SOX30: variants seen among roughly 807,000 people sequenced by gnomAD.
SOX30 encodes the protein SRY-box transcription factor 30.
In SOX30, 17 loss-of-function variants were observed where a neutral mutation model predicts 58.6. That is an observed-to-expected ratio of 0.29 (90% CI 0.20 to 0.44). SOX30 has a LOEUF of 0.44. Among genes scored for constraint, SOX30 ranks in the 20% least tolerant of loss-of-function variants. The pLI is 1.00. For missense variants in SOX30, 951 were observed against 965.8 expected (o/e 0.98, Z 0.20); for synonymous variants, 421 against 400.2 (o/e 1.05, Z -0.62).
chr5:157,636,831 GA>G (rs1758939274), intron 4 of SOX30, among the ~76,000 whole-genome samples: 1 of 152,038 alleles, frequency 6.6e-6, no homozygotes, highest in Admixed American at 6.6e-5. Flanking sequence ...AACAGTAATT[GA>G]AAAGTAAAGG....
intron 1 of SOX30, chr5:157,667,924 A>G: frequency 1.4e-6 from 2 of 1,458,198 alleles, no homozygotes; most frequent in Non-Finnish European, 1.8e-6. Context: ...ATCTTACCTC[A>G]TTCATTCCCC....
Position 157,652,089 on chromosome 5 carries a change from G to T in SOX30, c.-11C>A, listed in dbSNP as rs1229329733. 7.2e-7 allele frequency: 1 copy of T among 1,398,058 alleles called. No homozygotes were observed. Among genetic ancestry groups the T allele is most frequent in the Admixed American group, 3.3e-5 (1 of 30,540 alleles). The allele number at this position is 1,398,058 out of a possible 1,614,324, so 86.6% of individuals were successfully genotyped here. A position where few individuals can be genotyped will look rare whatever the true frequency, so the allele number is the denominator to read the frequency against. Reference sequence around the variant, plus strand: ...TCTGGCTCTCTCCATGGGGGAGGGGGACGCCCCGGCCAGGATTGTGAGCTC... The same window carrying T: ...TCTGGCTCTCTCCATGGGGGAGGGGTACGCCCCGGCCAGGATTGTGAGCTC... On this transcript the variant is annotated 5_prime_UTR_variant, in exon 1 of 5. Transcript: ENST00000265007.
intron 2 of SOX30, among the ~76,000 whole-genome samples, chr5:157,667,131 G>A (rs1183967661): frequency 6.6e-6 from 1 of 152,178 alleles, no homozygotes; most frequent in African/African-American, 2.4e-5. Flanking sequence ...GGGTTAGGGA[G>A]ATGTGGATGA....
In SOX30 at chr5:157,646,657, T is replaced by C. The variant is rs764836124; in HGVS notation, c.1367A>G (p.Asn456Ser). 2.5e-6 allele frequency: 4 copies of C among 1,609,824 alleles called. No homozygotes were observed. The highest frequency in any genetic ancestry group is 3.4e-5 in the Admixed American group (2 of 58,886). The change falls in exon 3 of 5, where the codon AAT becomes AGT. Residue 456 changes from asparagine (N) to serine (S), a missense_variant. Around this residue, in one of 7 missense-constraint regions of SOX30, gnomAD observed 381 missense variants for 390.0 expected, o/e 0.98. Coordinates refer to ENST00000265007, the MANE Select transcript of SOX30 (RefSeq NM_178424.2). Reference sequence around the variant, plus strand: ...CTCACCAACTGGATGAGTGATGGGATTCTGTAGGCTGGGAATTACCACAGA... The same window carrying C: ...CTCACCAACTGGATGAGTGATGGGACTCTGTAGGCTGGGAATTACCACAGA... Reference protein sequence around the residue: ...TYSVVIPSLQNPITHPVGETS... With the variant: ...TYSVVIPSLQSPITHPVGETS...
chr5:157,626,461 A>G lies in SOX30; in HGVS notation c.2141T>C (p.Leu714Pro). 1 of 1,614,246 alleles carries G rather than the reference A, an allele frequency of 6.2e-7. No individual in the cohort carries two copies. Among genetic ancestry groups the G allele is most frequent in the Non-Finnish European group, 8.5e-7 (1 of 1,180,044 alleles). Reference protein sequence around the residue: ...GEENLNPVPQLDIGTLENVFT... With the variant: ...GEENLNPVPQPDIGTLENVFT... ...GACATTCTCCAAGGTTCCAATGTCC[A>G]GCTGAGGCACAGGGTTTAAGTTTTC... The change falls in exon 5 of 5, where the codon CTG becomes CCG. Residue 714 changes from leucine to proline, a missense_variant. By Grantham distance (98) the Leu-to-Pro change is moderately conservative (BLOSUM62 -3). Transcript: ENST00000265007.
chr5:157,631,068 T>TAC (rs1276157997), intron 4 of SOX30, among the ~76,000 whole-genome samples: 1 of 17,294 alleles, frequency 5.8e-5, no homozygotes, highest in Non-Finnish European at 2.4e-4. Flanking sequence ...TATATATATA[T>TAC]ACACACAATA....
intron 4 of SOX30, among the ~76,000 whole-genome samples, chr5:157,629,143 C>G (rs1349654520): frequency 1.3e-5 from 2 of 152,086 alleles, no homozygotes; most frequent in Non-Finnish European, 2.9e-5. Flanking sequence ...TTCAAAGTAG[C>G]TATAAGAGAG....
upstream of SOX30, among the ~76,000 whole-genome samples, chr5:157,654,806 G>A (rs10072085): frequency 3.3e-3 from 507 of 152,304 alleles, 1 homozygote; most frequent in African/African-American, 0.011. Context: ...CAGCATGACA[G>A]CTTACAGATG....
Position 157,638,419 on chromosome 5 carries a change from G to A in SOX30, c.1691C>T (p.Pro564Leu). The change falls in exon 4 of 5, where the codon CCT becomes CTT. Residue 564 changes from proline (P) to leucine (L), a missense_variant. By Grantham distance (98) the Pro-to-Leu change is moderately conservative. This residue lies in a region of SOX30 where 381 missense variants were observed against 390.0 expected (regional missense o/e 0.98). Coordinates refer to ENST00000265007, the MANE Select transcript of SOX30 (RefSeq NM_178424.2). ...HARFATSTIQ[P>L]PREYSSVSPC... ...GGAAACGCTGGAATACTCCCTAGGA[G>A]GTTGGATGGTCGAAGTTGCAAATCT... is the stretch of plus-strand genomic sequence containing the variant. 3 of 1,614,070 alleles carry A rather than the reference G, an allele frequency of 1.9e-6. No individual in the cohort carries two copies. The highest frequency in any genetic ancestry group is 1.3e-5 in the African/African-American group (1 of 75,030).
upstream of SOX30, among the ~76,000 whole-genome samples, chr5:157,655,349 A>C (rs1267673796): frequency 6.6e-6 from 1 of 152,232 alleles, no homozygotes; most frequent in East Asian, 1.9e-4. Context: ...GGGTACCCAG[A>C]TAAAGAATGG....
chr5:157,667,342 C>T (rs1326157831), intron 2 of SOX30, among the ~76,000 whole-genome samples: 2 of 152,222 alleles, frequency 1.3e-5, no homozygotes, highest in Admixed American at 6.5e-5. Context: ...TGTTTGAACA[C>T]AACTTCATTT....
intron 4 of SOX30, among the ~76,000 whole-genome samples, chr5:157,631,399 T>C (rs1561578649): frequency 6.6e-6 from 1 of 152,210 alleles, no homozygotes; most frequent in Non-Finnish European, 1.5e-5. Flanking sequence ...TCTATTTCTA[T>C]TCTTGAGCTT....
At chr5:157,665,504 C>T (rs1050003505) in intron 2 of SOX30, among the ~76,000 whole-genome samples, 12 of 151,588 alleles carry the variant, frequency 7.9e-5, no homozygotes, top group Non-Finnish European at 1.5e-4. Flanking sequence ...TGTTAAATGA[C>T]GAGTTAATGG....
At chr5:157,633,965 G>T (rs931133434) in intron 4 of SOX30, among the ~76,000 whole-genome samples, 2 of 152,178 alleles carry the variant, frequency 1.3e-5, no homozygotes, top group African/African-American at 4.8e-5. Flanking sequence ...GAAGAAGGAA[G>T]AGGAAGGGGT....
At chr5:157,631,760 G>A (rs866900450) in intron 4 of SOX30, among the ~76,000 whole-genome samples, 8 of 115,582 alleles carry the variant, frequency 6.9e-5, no homozygotes, top group African/African-American at 1.5e-4. Flanking sequence ...GTGGGAACTC[G>A]TCTCAAAAAA....
intron 3 of SOX30, among the ~76,000 whole-genome samples, chr5:157,643,353 G>C (rs1759115644): frequency 6.6e-6 from 1 of 152,174 alleles, no homozygotes. Context: ...CCCGGAGGTG[G>C]AGGTTGCAGT....
At chr5:157,635,706 T>C (rs1436832249) in intron 4 of SOX30, among the ~76,000 whole-genome samples, 1 of 152,222 alleles carries the variant, frequency 6.6e-6, no homozygotes, top group Admixed American at 6.5e-5. Context: ...AGATAATTTA[T>C]ACATTAACAG....
At chr5:157,627,717 G>A (rs62390778) in intron 4 of SOX30, among the ~76,000 whole-genome samples, 13,985 of 152,076 alleles carry the variant, frequency 0.092, 819 homozygotes, top group South Asian at 0.13. Context: ...TTTTTTGGCC[G>A]GGCGCGGTGG....
Position 157,632,047 on chromosome 5 carries a change from T to TAA in SOX30, c.1881-5328_1881-5327dup, listed in dbSNP as rs570172679. Among the ~76,000 whole-genome samples, 176 of 56,394 alleles carry TAA rather than the reference T, an allele frequency of 3.1e-3. 13 individuals are homozygous for TAA. Among genetic ancestry groups the TAA allele is most frequent in the African/African-American group, 6.3e-3 (80 of 12,768 alleles). 37.0% of individuals were successfully genotyped at this position (56,394 alleles called of 152,430 possible). A position where few individuals can be genotyped will look rare whatever the true frequency, so the allele number is the denominator to read the frequency against. On this transcript the variant is annotated intron_variant, in intron 4 of 4. Transcript: ENST00000265007. ...GACACAGCAAGACCCACCCCGTAACTAAAAAAAAAAAAAAAAAAAAAAAAA... is the reference window on the plus strand; with the variant it reads ...GACACAGCAAGACCCACCCCGTAACTAAAAAAAAAAAAAAAAAAAAAAAAAAA...
Sources: gnomAD v4.1 joint callset for allele counts (sites outside exome capture counted in the v4.1 genomes callset) on GRCh38, gnomAD v4.1.1 for gene constraint, gnomAD v4.1.1 regional missense constraint, MANE v1.5 for transcripts, NCBI Gene and HGNC (gene_info 2026-07-23, HGNC 2026-07-21) for gene names.